ERGIC3: variants seen among roughly 807,000 people sequenced by gnomAD.
ERGIC3 encodes the protein endoplasmic reticulum-Golgi intermediate compartment protein 3.
A neutral mutation model predicts 54.7 loss-of-function variants in ERGIC3; 33 were observed. The observed-to-expected ratio is 0.60, with a 90% confidence interval of 0.46 to 0.81. The LOEUF (loss-of-function observed/expected upper bound fraction) is 0.81, where lower values mean the gene tolerates loss of function less well. Ranked by LOEUF, ERGIC3 falls within the 30% of genes least tolerant of loss-of-function variation. ERGIC3 has a pLI of 0.00. For missense variants in ERGIC3, 399 were observed against 488.4 expected (o/e 0.82, Z 1.73); for synonymous variants, 186 against 189.8 (o/e 0.98, Z 0.16).
chr20:35,547,765 G>C (rs1055519081), intron 5 of ERGIC3, among the ~76,000 whole-genome samples: 1 of 105,066 alleles, frequency 9.5e-6, no homozygotes, highest in African/African-American at 3.9e-5. Context: ...GGTCTCTGGA[G>C]TCCAGTTACC....
chr20:35,546,245 T>G (rs780979435), intron 4 of ERGIC3, among the ~76,000 whole-genome samples: 100 of 152,112 alleles, frequency 6.6e-4, no homozygotes, highest in Non-Finnish European at 1.2e-3. Context: ...AAAAAGGAAG[T>G]GGAGACATTA....
intron 10 of ERGIC3, 65 bp downstream of exon 10, chr20:35,556,336 C>A: frequency 1.9e-6 from 3 of 1,557,764 alleles, no homozygotes; most frequent in African/African-American, 1.4e-5. Context: ...TCCTGCATTT[C>A]GTTCCGTCAG....
intron 12 of ERGIC3, 69 bp downstream of exon 12, chr20:35,557,318 T>G: frequency 1.9e-6 from 3 of 1,611,882 alleles, no homozygotes; most frequent in Non-Finnish European, 2.5e-6. Context: ...CAGGTTTGGT[T>G]GGGGGTGAAG....
At chr20:35,542,797 C>CTTA in intron 3 of ERGIC3, 25 bp from the exon 4 acceptor site, 1 of 1,614,044 alleles carries the variant, frequency 6.2e-7, no homozygotes, top group Non-Finnish European at 8.5e-7. Flanking sequence ...GTCCCAGTAC[C>CTTA]TTAGCCTGAT....
chr20:35,555,108 T>TG, intron 8 of ERGIC3, 33 bp downstream of exon 8: 1 of 958,036 alleles, frequency 1.0e-6, no homozygotes, highest in Non-Finnish European at 1.5e-6. Flanking sequence ...GGAGGGCAGG[T>TG]GGGGGTGGGA....
chr20:35,554,416 A>C, intron 7 of ERGIC3: 1 of 1,613,696 alleles, frequency 6.2e-7, no homozygotes, highest in Non-Finnish European at 8.5e-7. Flanking sequence ...TGGAGGCCAA[A>C]CCCCTACTTC....
At chr20:35,545,848 AATTAG>A (rs768692501) in intron 4 of ERGIC3, among the ~76,000 whole-genome samples, 3 of 152,174 alleles carry the variant, frequency 2.0e-5, no homozygotes, top group African/African-American at 4.8e-5. Flanking sequence ...ATTAAGAGGC[AATTAG>A]ATGTACCAGT....
At chr20:35,545,350 G>C (rs1431407398) in intron 4 of ERGIC3, 21 of 151,622 alleles carry the variant, frequency 1.4e-4, no homozygotes, top group Admixed American at 1.4e-3. Context: ...CTGAAGTCAG[G>C]AGTTCAAGAC....
Position 35,556,017 on chromosome 20 carries a change from A to C in ERGIC3, c.718-16A>C, listed in dbSNP as rs1301656180. On this transcript the variant is annotated splice_polypyrimidine_tract_variant and intron_variant, in intron 8 of 12. Coordinates refer to ENST00000348547, the MANE Select transcript of ERGIC3 (RefSeq NM_015966.3). ...CATCAGAGCTTTGGATGAGCTCTGG[A>C]TGGTGTTGTTTACAGATCAACATGA... 6.2e-7 allele frequency: 1 copy of C among 1,612,572 alleles called. No individual in the cohort carries two copies. The highest frequency in any genetic ancestry group is 2.2e-5 in the East Asian group (1 of 44,844).
intron 3 of ERGIC3, 50 bp from the exon 4 acceptor site, chr20:35,542,772 C>A (rs1455295044): frequency 6.2e-7 from 1 of 1,613,832 alleles, no homozygotes. Flanking sequence ...AAACCCACAT[C>A]CCCTTGTCCC....
At chr20:35,547,361 T>A in intron 4 of ERGIC3, 51 bp from the exon 5 acceptor site, 1 of 1,464,006 alleles carries the variant, frequency 6.8e-7, no homozygotes, top group Non-Finnish European at 9.6e-7. Flanking sequence ...GAGCCACCGA[T>A]TTCACTGTGT....
At chr20:35,543,137 AAT>A (rs1333291375) in intron 4 of ERGIC3, 196 bp downstream of exon 4, 1 of 611,984 alleles carries the variant, frequency 1.6e-6, no homozygotes. Context: ...CGAGTCAGGT[AAT>A]CTACCTGGCT....
At chr20:35,554,518 T>A (rs2064700896) in intron 7 of ERGIC3, 4 of 922,808 alleles carry the variant, frequency 4.3e-6, no homozygotes, top group Non-Finnish European at 6.9e-6. Context: ...CTGTAAAAGG[T>A]CTGGGATGTA....
rs2147310521 is a variant in ERGIC3 at position 35,555,221 on chromosome 20, AAGCGAG to A, written c.717+149_717+154del. ...TGAATGGGGATCCAGCCTGAGGGTT[AAGCGAG>A]AGTGACTTTTGAACTGAACTCTGAG... On this transcript the variant is annotated intron_variant, in intron 8 of 12. Transcript: ENST00000348547. 9.0e-6 allele frequency: 9 copies of A among 1,004,308 alleles called. No individual in the cohort carries two copies. The South Asian group carries it at 1.1e-4, about 13-fold the overall frequency. The allele number at this position is 1,004,308 out of a possible 1,614,324, so 62.2% of individuals were successfully genotyped here.
chr20:35,555,010 CGCCTTCTCCCTT>C (rs756608847), intron 7 of ERGIC3, 22 bp from the exon 8 acceptor site: 21 of 1,613,446 alleles, frequency 1.3e-5, no homozygotes, highest in Admixed American at 6.7e-5. Flanking sequence ...CTACTAATGA[CGCCTTCTCCCTT>C]GCCTTCTCCC....
chr20:35,556,222 A>G lies in ERGIC3; in HGVS notation c.830A>G (p.Gln277Arg), dbSNP rs1483854468. The change falls in exon 10 of 13, where the codon CAG becomes CGG. Residue 277 changes from glutamine to arginine, a missense_variant. Gln to Arg is a conservative substitution (Grantham distance 43, BLOSUM62 1). Coordinates refer to ENST00000348547, the MANE Select transcript of ERGIC3 (RefSeq NM_015966.3). ...TTCCCCTCAGCCTCCATGATGTTCC[A>G]GTACTTTGTGAAGGTGGTGCCCACT... is the stretch of plus-strand genomic sequence containing the variant. ...VTAPQASMMF[Q>R]YFVKVVPTVY... The G allele has an allele frequency of 6.2e-7, 1 of 1,614,178 alleles. No homozygotes were observed. The highest frequency in any genetic ancestry group is 8.5e-7 in the Non-Finnish European group (1 of 1,180,022).
In ERGIC3 at chr20:35,557,552, T is replaced by C; in HGVS notation, c.*48T>C. 1 of 1,560,946 alleles carries C rather than the reference T, an allele frequency of 6.4e-7. No individual in the cohort carries two copies. The highest frequency in any genetic ancestry group is 8.8e-7 in the Non-Finnish European group (1 of 1,132,838). The stretch of plus-strand genomic sequence containing the variant: ...CTCCTCTTTCTCCCTGGCCTGTGGT[T>C]GTCCCCCAGCCTCTGCCACCCTCCA... On this transcript the variant is annotated 3_prime_UTR_variant, in exon 13 of 13. Transcript: ENST00000348547.
At chr20:35,549,312 G>A (rs970913879) in intron 7 of ERGIC3, 1 of 447,882 alleles carries the variant, frequency 2.2e-6, no homozygotes, top group African/African-American at 2.0e-5. Flanking sequence ...GCCACACCTG[G>A]GCTATGTCAT....
At chr20:35,551,151 G>A (rs1430295436) in intron 7 of ERGIC3, among the ~76,000 whole-genome samples, 4 of 152,126 alleles carry the variant, frequency 2.6e-5, no homozygotes, top group East Asian at 1.9e-4. Context: ...AAAATCAGCC[G>A]GGCGTAGCGG....
Sources: allele counts gnomAD v4.1 joint callset (sites outside exome capture counted in the v4.1 genomes callset), GRCh38; gene constraint gnomAD v4.1.1; transcripts MANE v1.5; gene names NCBI Gene and HGNC (gene_info 2026-07-23, HGNC 2026-07-21).